Variants in SYCP2 observed in about 807,000 individuals in gnomAD.
The protein encoded by SYCP2 is synaptonemal complex lateral element protein.
A neutral mutation model predicts 211.3 loss-of-function variants in SYCP2; 55 were observed. That is an observed-to-expected ratio of 0.26 (90% CI 0.21 to 0.33). The LOEUF (loss-of-function observed/expected upper bound fraction) is 0.33. Ranked by LOEUF, SYCP2 falls within the 10% of genes least tolerant of loss-of-function variation. SYCP2 has a pLI of 1.00. For missense variants in SYCP2, 1,731 were observed against 1,752.0 expected (o/e 0.99, Z 0.21); for synonymous variants, 570 against 555.2 (o/e 1.03, Z -0.37).
At chr20:59,909,705 A>G (rs1476906124) in intron 14 of SYCP2, among the ~76,000 whole-genome samples, 2 of 152,220 alleles carry the variant, frequency 1.3e-5, no homozygotes, top group Non-Finnish European at 2.9e-5. Flanking sequence ...AATTCTTTCA[A>G]TGTTCCGTTT....
chr20:59,867,549 G>T (rs948702186), intron 39 of SYCP2, among the ~76,000 whole-genome samples, 162 bp downstream of exon 39: 9 of 151,570 alleles, frequency 5.9e-5, no homozygotes, highest in African/African-American at 1.7e-4. Flanking sequence ...GAAAGAATAC[G>T]GGTAATATAC....
intron 35 of SYCP2, among the ~76,000 whole-genome samples, chr20:59,870,442 T>G (rs1035779463): frequency 6.6e-6 from 1 of 151,684 alleles, no homozygotes; most frequent in Non-Finnish European, 1.5e-5. Flanking sequence ...TTAAAAAAAG[T>G]CTTTTTTTTA....
At chr20:59,888,343 T>G (rs914287052) in intron 24 of SYCP2, among the ~76,000 whole-genome samples, 1 of 152,070 alleles carries the variant, frequency 6.6e-6, no homozygotes, top group African/African-American at 2.4e-5. Context: ...GCAAGAATGA[T>G]TCAACATTTG....
At chr20:59,865,269 TA>T in intron 44 of SYCP2, 118 bp downstream of exon 44, 2 of 768,550 alleles carry the variant, frequency 2.6e-6, no homozygotes, top group Non-Finnish European at 2.1e-6. Flanking sequence ...GTAATTGGGC[TA>T]AAACTATTTT....
At chr20:59,892,802 ATG>A in intron 22 of SYCP2, 101 bp from the exon 23 acceptor site, 1 of 1,080,568 alleles carries the variant, frequency 9.3e-7, no homozygotes, top group Non-Finnish European at 1.3e-6. Flanking sequence ...GCGATTACTT[ATG>A]TGAAAATTAT....
chr20:59,877,474 T>C lies in SYCP2; in HGVS notation c.3061A>G (p.Thr1021Ala), dbSNP rs149766520. ...RIRLPRKATK[T>A]KKNYKDLSNS... ...GAGAGATCTTTATAGTTTTTTTTTG[T>C]TTTGGTTGCTTTTCGTGGAAGTCTG... The change falls in exon 33 of 45, where the codon ACA becomes GCA. Residue 1021 changes from threonine (T) to alanine (A), a missense_variant. Physicochemically the swap from Thr to Ala is moderately conservative, Grantham distance 58 (BLOSUM62 0). Coordinates refer to ENST00000357552, the MANE Select transcript of SYCP2 (RefSeq NM_014258.4). The C allele has an allele frequency of 1.1e-5, 18 of 1,605,268 alleles. No individual in the cohort carries two copies. In the African/African-American group the frequency reaches 2.3e-4, roughly 20 times the overall value.
intron 3 of SYCP2, 93 bp downstream of exon 3, chr20:59,922,297 A>G (rs1319825403): frequency 1.9e-5 from 21 of 1,124,414 alleles, no homozygotes; most frequent in Non-Finnish European, 2.5e-5. Flanking sequence ...TGTAAGCTTT[A>G]TCATTGCTAA....
chr20:59,932,834 A>T (rs1013873151), intron 1 of SYCP2, among the ~76,000 whole-genome samples: 8 of 152,076 alleles, frequency 5.3e-5, no homozygotes, highest in Non-Finnish European at 1.2e-4. Flanking sequence ...GGCGGCCTCA[A>T]CCGCAAGGAG....
At position 59,892,575 on chromosome 20, in the gene SYCP2, C is replaced by T; in HGVS notation, c.1920G>A (p.Leu640=). 1 of 1,603,420 alleles carries T rather than the reference C, an allele frequency of 6.2e-7. No individual in the cohort carries two copies. The highest frequency in any genetic ancestry group is 8.5e-7 in the Non-Finnish European group (1 of 1,176,264). The part of the protein sequence containing the change: ...QRASTSSGDT[L]NQDIVINKKL... Reference sequence around the variant, plus strand: ...GATAAAACTAAGTTTCACCTTGATTCAATGTGTCTCCTGACGAAGTACTTG... The same window carrying T: ...GATAAAACTAAGTTTCACCTTGATTTAATGTGTCTCCTGACGAAGTACTTG... Residue 640 remains leucine (L), a synonymous_variant, in exon 23 of 45, where the codon TTG becomes TTA. Coordinates refer to ENST00000357552, the MANE Select transcript of SYCP2 (RefSeq NM_014258.4).
chr20:59,896,089 T>C (rs2060002324), intron 19 of SYCP2, among the ~76,000 whole-genome samples: 1 of 152,110 alleles, frequency 6.6e-6, no homozygotes, highest in African/African-American at 2.4e-5. Context: ...AAACTGGTTC[T>C]AAATTTAGCT....
chr20:59,896,261 G>A (rs149275978), intron 19 of SYCP2, among the ~76,000 whole-genome samples, 168 bp downstream of exon 19: 195 of 152,092 alleles, frequency 1.3e-3, no homozygotes, highest in Admixed American at 0.011. Flanking sequence ...CTGTTCATAT[G>A]TTAGCATTAT....
chr20:59,874,400 A>T (rs1477065179), intron 34 of SYCP2, among the ~76,000 whole-genome samples: 1 of 152,126 alleles, frequency 6.6e-6, no homozygotes, highest in African/African-American at 2.4e-5. Flanking sequence ...ATATATACAC[A>T]TCACAAAATT....
At chr20:59,870,139 A>G (rs2059422749) in intron 35 of SYCP2, among the ~76,000 whole-genome samples, 156 bp from the exon 36 acceptor site, 1 of 151,844 alleles carries the variant, frequency 6.6e-6, no homozygotes, top group South Asian at 2.1e-4. Flanking sequence ...CTAAAAATAA[A>G]AAATCCTTAG....
chr20:59,887,434 C>T (rs1600861434), intron 24 of SYCP2, among the ~76,000 whole-genome samples: 2 of 152,066 alleles, frequency 1.3e-5, no homozygotes, highest in Non-Finnish European at 1.5e-5. Flanking sequence ...TCTTTGCTAT[C>T]GTGAATAGTG....
intron 1 of SYCP2, among the ~76,000 whole-genome samples, chr20:59,932,738 C>T (rs916161798): frequency 6.6e-6 from 1 of 152,094 alleles, no homozygotes; most frequent in African/African-American, 2.4e-5. Flanking sequence ...AGCCTGGAGC[C>T]CGGTCCAGAA....
chr20:59,881,250 A>G (rs1331874367), intron 29 of SYCP2, among the ~76,000 whole-genome samples, 187 bp downstream of exon 29: 1 of 151,794 alleles, frequency 6.6e-6, no homozygotes, highest in Non-Finnish European at 1.5e-5. Flanking sequence ...TATACAACTA[A>G]TATTCAAAGT....
intron 34 of SYCP2, among the ~76,000 whole-genome samples, chr20:59,874,563 C>T (rs1240241707): frequency 6.6e-6 from 1 of 151,974 alleles, no homozygotes; most frequent in South Asian, 2.1e-4. Flanking sequence ...TGAGTATGCG[C>T]TTATGTGAAA....
intron 33 of SYCP2, among the ~76,000 whole-genome samples, chr20:59,876,100 C>T (rs537370571): frequency 6.6e-5 from 10 of 151,826 alleles, no homozygotes; most frequent in Admixed American, 5.2e-4. Flanking sequence ...AGGCTGGGCA[C>T]GGTGGCTCAT....
At chr20:59,926,133 A>C (rs1320670393) in intron 2 of SYCP2, among the ~76,000 whole-genome samples, 1 of 152,066 alleles carries the variant, frequency 6.6e-6, no homozygotes, top group African/African-American at 2.4e-5. Flanking sequence ...CAGGTTTCAT[A>C]AATCCAATAA....
Sources: gnomAD v4.1 joint callset for allele counts (sites outside exome capture counted in the v4.1 genomes callset) on GRCh38, gnomAD v4.1.1 for gene constraint, MANE v1.5 for transcripts, NCBI Gene and HGNC (gene_info 2026-07-23, HGNC 2026-07-21) for gene names.